ALMS1: variants seen among roughly 807,000 people sequenced by gnomAD.
ALMS1 encodes ALMS1 centrosome and basal body associated protein.
In ALMS1, 271 loss-of-function variants were observed where a neutral mutation model predicts 352.2. The observed-to-expected ratio is 0.77, with a 90% confidence interval of 0.70 to 0.85. ALMS1 has a LOEUF of 0.85. Ranked by LOEUF, ALMS1 falls within the 40% of genes least tolerant of loss-of-function variation. The probability of loss-of-function intolerance (pLI) is 0.00; values close to 1 mark genes in which losing one functional copy is unlikely to be tolerated. For synonymous variants in ALMS1, 1,865 were observed against 1,761.2 expected (o/e 1.06, Z -1.48); for missense variants, 5,445 against 4,870.7 (o/e 1.12, Z -3.51).
intron 7 of ALMS1, among the ~76,000 whole-genome samples, chr2:73,447,357 T>A (rs769222488): frequency 6.6e-6 from 1 of 152,154 alleles, no homozygotes; most frequent in East Asian, 1.9e-4. Context: ...AAGTTAAAAC[T>A]CTTCAGAGTA....
intron 3 of ALMS1, 137 bp downstream of exon 3, chr2:73,419,455 TTTTGTTTG>T: frequency 1.3e-6 from 1 of 794,594 alleles, no homozygotes; most frequent in Non-Finnish European, 2.0e-6. Flanking sequence ...CTTATTTCTG[TTTTGTTTG>T]TTTGTTTGTT....
chr2:73,396,550 C>CT (rs60473435), intron 1 of ALMS1, among the ~76,000 whole-genome samples: 42,335 of 78,558 alleles, frequency 0.54, 13,152 homozygotes, highest in East Asian at 0.74. Context: ...GGTCTGAGCT[C>CT]TTTTTTTTTT....
rs1672940228 is a variant in ALMS1 at position 73,489,943 on chromosome 2, T to A, written c.7984T>A (p.Phe2662Ile). The change falls in exon 10 of 23, where the codon TTC becomes ATC. Residue 2662 changes from phenylalanine (F) to isoleucine (I), a missense_variant. Phe to Ile is a conservative substitution (Grantham distance 21, BLOSUM62 0). Transcript: ENST00000613296. The stretch of plus-strand genomic sequence containing the variant: ...ATTTCAGAACTTTATACCTGATGAA[T>A]TCAAAATCAGCAAAGGTCTTCGAAT... ...SPFQNFIPDEFKISKGLRMPF... is the reference protein window; with the variant it reads ...SPFQNFIPDEIKISKGLRMPF... 1 of 1,614,226 alleles carries A rather than the reference T, an allele frequency of 6.2e-7. No homozygotes were observed. The highest frequency in any genetic ancestry group is 1.1e-5 in the South Asian group (1 of 91,090).
chr2:73,417,439 T>G (rs1000656524), intron 2 of ALMS1, among the ~76,000 whole-genome samples: 1 of 152,134 alleles, frequency 6.6e-6, no homozygotes, highest in African/African-American at 2.4e-5. Context: ...AACAAGAAAA[T>G]GAGGGCATTC....
At chr2:73,529,100 G>C (rs1673855126) in intron 11 of ALMS1, among the ~76,000 whole-genome samples, 1 of 136,480 alleles carries the variant, frequency 7.3e-6, no homozygotes, top group Non-Finnish European at 1.5e-5. Context: ...ATGGAGTACA[G>C]TGGTGCAGTC....
chr2:73,486,852 C>G (rs961247821), intron 9 of ALMS1, among the ~76,000 whole-genome samples: 1 of 152,064 alleles, frequency 6.6e-6, no homozygotes, highest in Non-Finnish European at 1.5e-5. Flanking sequence ...GAGTTGGAGA[C>G]CAGCCTGGGC....
chr2:73,490,579 C>G lies in ALMS1; in HGVS notation c.8620C>G (p.Pro2874Ala), dbSNP rs1672958617. The G allele has an allele frequency of 6.2e-7, 1 of 1,614,170 alleles. No individual in the cohort carries two copies. Among genetic ancestry groups the G allele is most frequent in the Non-Finnish European group, 8.5e-7 (1 of 1,180,026 alleles). The stretch of plus-strand genomic sequence containing the variant: ...AAAAGAGAAGAATGTAACTATAACT[C>G]CAGATCTTCCTTCTTGCATTTTTCT... ...GVKEKNVTIT[P>A]DLPSCIFLEQ... The change falls in exon 10 of 23, where the codon CCA becomes GCA. Residue 2874 changes from proline (P) to alanine (A), a missense_variant. Pro to Ala is a conservative substitution (Grantham distance 27). Coordinates refer to ENST00000613296, the MANE Select transcript of ALMS1 (RefSeq NM_001378454.1).
intron 10 of ALMS1, among the ~76,000 whole-genome samples, chr2:73,496,058 A>T (rs11674602): frequency 0.32 from 48,592 of 152,090 alleles, 9,906 homozygotes; most frequent in African/African-American, 0.58. Context: ...TACGTGATTC[A>T]TTTATAATAT....
chr2:73,603,347 G>T, intron 21 of ALMS1, 43 bp downstream of exon 21: 4 of 1,590,548 alleles, frequency 2.5e-6, no homozygotes, highest in Non-Finnish European at 3.4e-6. Context: ...GTGTAAACCA[G>T]GCCACCAAGT....
intron 7 of ALMS1, among the ~76,000 whole-genome samples, chr2:73,439,550 T>C (rs949380201): frequency 2.6e-5 from 4 of 152,232 alleles, no homozygotes; most frequent in Non-Finnish European, 5.9e-5. Flanking sequence ...TTTGTTTGTT[T>C]ATTTATTTTG....
At chr2:73,507,710 C>G (rs1673359059) in intron 10 of ALMS1, among the ~76,000 whole-genome samples, 1 of 152,002 alleles carries the variant, frequency 6.6e-6, no homozygotes, top group African/African-American at 2.4e-5. Context: ...TTTTGTTAAT[C>G]TTTTCGAAAA....
intron 11 of ALMS1, among the ~76,000 whole-genome samples, chr2:73,522,624 A>G (rs1420900726): frequency 6.6e-6 from 1 of 151,714 alleles, no homozygotes; most frequent in Non-Finnish European, 1.5e-5. Context: ...GCGCACCACC[A>G]CGCCCAACTA....
At chr2:73,386,373 T>C (rs1192625642) in intron 1 of ALMS1, among the ~76,000 whole-genome samples, 181 bp downstream of exon 1, 1 of 152,184 alleles carries the variant, frequency 6.6e-6, no homozygotes, top group African/African-American at 2.4e-5. Context: ...TCCCAGGCTT[T>C]GTGGCAAAGA....
chr2:73,598,981 C>T (rs533393048), intron 16 of ALMS1, among the ~76,000 whole-genome samples: 23 of 152,228 alleles, frequency 1.5e-4, no homozygotes, highest in African/African-American at 5.5e-4. Flanking sequence ...TCTTAGTATA[C>T]GTGTTTGAGT....
chr2:73,509,566 T>C (rs901624293), intron 10 of ALMS1, among the ~76,000 whole-genome samples: 6 of 152,190 alleles, frequency 3.9e-5, no homozygotes. Flanking sequence ...TTCTTTTCTT[T>C]AAGAATGTTG....
chr2:73,561,673 A>C (rs1674665427), intron 15 of ALMS1, among the ~76,000 whole-genome samples: 1 of 145,048 alleles, frequency 6.9e-6, no homozygotes, highest in Non-Finnish European at 1.5e-5. Flanking sequence ...AATATACTTA[A>C]CACTACTGAA....
At chr2:73,457,928 G>T (rs1024381015) in intron 9 of ALMS1, 2 of 148,872 alleles carry the variant, frequency 1.3e-5, no homozygotes, top group African/African-American at 4.9e-5. Context: ...AGCTACTCGG[G>T]AAGCTGAGGC....
At chr2:73,430,041 A>G (rs560823660) in intron 6 of ALMS1, among the ~76,000 whole-genome samples, 1 of 146,554 alleles carries the variant, frequency 6.8e-6, no homozygotes, top group South Asian at 2.1e-4. Flanking sequence ...AATACTTCTC[A>G]TATTTTTCAT....
At chr2:73,515,429 A>G (rs1673534986) in intron 10 of ALMS1, among the ~76,000 whole-genome samples, 1 of 151,612 alleles carries the variant, frequency 6.6e-6, no homozygotes. Flanking sequence ...ATTTTTGATC[A>G]TTTTTTCCTG....
Sources: allele counts gnomAD v4.1 joint callset (sites outside exome capture counted in the v4.1 genomes callset), GRCh38; gene constraint gnomAD v4.1.1; transcripts MANE v1.5; gene names NCBI Gene and HGNC (gene_info 2026-07-23, HGNC 2026-07-21).